Variants in CPQ observed in about 807,000 individuals in gnomAD.
The protein encoded by CPQ is Ser-Met dipeptidase.
CPQ carries 37 observed loss-of-function variants against 45.7 expected under a neutral mutation model. The ratio of observed to expected loss-of-function variants is 0.81; its 90% confidence interval spans 0.62 to 1.07. CPQ has a LOEUF of 1.07. Ranked by LOEUF, CPQ falls within the 50% of genes least tolerant of loss-of-function variation. The pLI, the probability that CPQ is intolerant of heterozygous loss-of-function variation, is 0.00. For missense variants in CPQ, 537 were observed against 572.9 expected (o/e 0.94, Z 0.64); for synonymous variants, 186 against 205.8 (o/e 0.90, Z 0.82).
intron 6 of CPQ, among the ~76,000 whole-genome samples, chr8:97,041,701 T>C (rs1467559900): frequency 1.3e-5 from 2 of 152,202 alleles, no homozygotes; most frequent in East Asian, 1.9e-4. Flanking sequence ...TGGAGGGTTG[T>C]TGAATTTTGT....
At chr8:96,841,000 C>T (rs1811600121) in intron 3 of CPQ, among the ~76,000 whole-genome samples, 1 of 152,116 alleles carries the variant, frequency 6.6e-6, no homozygotes. Context: ...TGGGATGTCC[C>T]CCCTCTTATC....
chr8:97,061,890 C>T (rs547728030), intron 6 of CPQ, among the ~76,000 whole-genome samples: 37 of 152,208 alleles, frequency 2.4e-4, no homozygotes, highest in Middle Eastern at 6.8e-3. Context: ...CCATTATCAT[C>T]CCCATTACAG....
intron 7 of CPQ, among the ~76,000 whole-genome samples, chr8:97,139,141 A>G (rs1249602523): frequency 6.6e-6 from 1 of 152,176 alleles, no homozygotes; most frequent in Non-Finnish European, 1.5e-5. Flanking sequence ...ATTATTAGGA[A>G]AAACTGGACT....
intron 2 of CPQ, among the ~76,000 whole-genome samples, chr8:96,801,221 C>A (rs1000091065): frequency 2.0e-5 from 3 of 152,118 alleles, no homozygotes; most frequent in African/African-American, 7.2e-5. Flanking sequence ...AGGTGATCCA[C>A]CCACCTTGAC....
chr8:96,679,767 T>G (rs1809126015), intron 1 of CPQ, among the ~76,000 whole-genome samples: 1 of 151,778 alleles, frequency 6.6e-6, no homozygotes, highest in African/African-American at 2.4e-5. Context: ...ATGTCTCCTT[T>G]TTTTTTTTGT....
At position 97,029,421 on chromosome 8, in the gene CPQ, C is replaced by T; in HGVS notation, c.980C>T (p.Thr327Ile). 6.2e-7 allele frequency: 1 copy of T among 1,607,626 alleles called. No homozygotes were observed. The highest frequency in any genetic ancestry group is 8.5e-7 in the Non-Finnish European group (1 of 1,176,592). ...IKDLGLRPKRTLRLVLWTAEE... is the reference protein window; with the variant it reads ...IKDLGLRPKRILRLVLWTAEE... ...TTCCCAGGGCTGCGTCCAAAGAGGA[C>T]TCTGCGGCTGGTGCTCTGGACTGCA... is the stretch of plus-strand genomic sequence containing the variant. The change falls in exon 6 of 8, where the codon ACT becomes ATT. Residue 327 changes from threonine to isoleucine, a missense_variant. By Grantham distance (89) the Thr-to-Ile change is moderately conservative (BLOSUM62 -1). Transcript: ENST00000220763.
At chr8:96,899,433 A>G (rs1473204064) in intron 4 of CPQ, among the ~76,000 whole-genome samples, 1 of 152,154 alleles carries the variant, frequency 6.6e-6, no homozygotes, top group African/African-American at 2.4e-5. Context: ...AATACATCAG[A>G]CTGTGTAATT....
At chr8:96,842,043 T>A (rs1811619827) in intron 3 of CPQ, among the ~76,000 whole-genome samples, 1 of 152,216 alleles carries the variant, frequency 6.6e-6, no homozygotes, top group South Asian at 2.1e-4. Flanking sequence ...AGCATCTTGA[T>A]GAGATTTCAC....
intron 7 of CPQ, among the ~76,000 whole-genome samples, chr8:97,105,130 C>T (rs371939800): frequency 2.5e-4 from 38 of 152,066 alleles, no homozygotes; most frequent in African/African-American, 7.5e-4. Flanking sequence ...AGACAGCTCT[C>T]GGGTTATAGC....
chr8:97,126,043 C>CT (rs1275804884), intron 7 of CPQ, among the ~76,000 whole-genome samples: 2 of 152,054 alleles, frequency 1.3e-5, no homozygotes, highest in African/African-American at 4.8e-5. Context: ...AATACCTAGG[C>CT]TGTAGTTAAC....
chr8:97,051,410 A>G (rs527479412), intron 6 of CPQ, among the ~76,000 whole-genome samples: 1 of 152,332 alleles, frequency 6.6e-6, no homozygotes, highest in South Asian at 2.1e-4. Flanking sequence ...AATTATGACT[A>G]TGATATCAAA....
chr8:96,763,480 G>A (rs186348489), intron 1 of CPQ, among the ~76,000 whole-genome samples: 4 of 152,154 alleles, frequency 2.6e-5, no homozygotes, highest in Middle Eastern at 3.4e-3. Context: ...ATACTGTCTG[G>A]ATTACTTCCA....
intron 1 of CPQ, among the ~76,000 whole-genome samples, chr8:96,776,340 T>C (rs968436015): frequency 6.6e-6 from 1 of 152,320 alleles, no homozygotes; most frequent in East Asian, 1.9e-4. Context: ...TAAATTTATA[T>C]CAGTGAATCC....
At chr8:97,141,297 T>C (rs971383743) in intron 7 of CPQ, among the ~76,000 whole-genome samples, 1 of 152,068 alleles carries the variant, frequency 6.6e-6, no homozygotes, top group African/African-American at 2.4e-5. Context: ...CTAACAGAAG[T>C]GTCTAAATTA....
At chr8:97,051,348 G>A (rs2130506738) in intron 6 of CPQ, among the ~76,000 whole-genome samples, 1 of 152,232 alleles carries the variant, frequency 6.6e-6, no homozygotes, top group South Asian at 2.1e-4. Flanking sequence ...TTGCAATATA[G>A]TTATATATGT....
At chr8:97,048,266 A>G (rs1810296129) in intron 6 of CPQ, among the ~76,000 whole-genome samples, 1 of 152,210 alleles carries the variant, frequency 6.6e-6, no homozygotes, top group Admixed American at 6.5e-5. Context: ...AATTTAGAAG[A>G]TTGGGGGAGC....
chr8:96,730,704 G>C (rs1047716739), intron 1 of CPQ, among the ~76,000 whole-genome samples: 1 of 151,470 alleles, frequency 6.6e-6, no homozygotes, highest in Non-Finnish European at 1.5e-5. Context: ...CATCACCTGG[G>C]AACTCTAAAA....
intron 1 of CPQ, among the ~76,000 whole-genome samples, chr8:96,695,557 C>T (rs1353630311): frequency 5.3e-5 from 8 of 152,264 alleles, no homozygotes; most frequent in South Asian, 2.1e-4. Context: ...AAAGGGCTAA[C>T]ATCCAGAATC....
chr8:96,679,084 A>C (rs1311399690), intron 1 of CPQ, among the ~76,000 whole-genome samples: 1 of 152,060 alleles, frequency 6.6e-6, no homozygotes, highest in Non-Finnish European at 1.5e-5. Flanking sequence ...ATTTTTGTAT[A>C]TGTAGTAGGG....
Sources: gnomAD v4.1 joint callset for allele counts (sites outside exome capture counted in the v4.1 genomes callset) on GRCh38, gnomAD v4.1.1 for gene constraint, MANE v1.5 for transcripts, NCBI Gene and HGNC (gene_info 2026-07-23, HGNC 2026-07-21) for gene names.